Variants in PLPPR1 observed in about 807,000 individuals in gnomAD.
The protein encoded by PLPPR1 is phospholipid phosphatase-related protein type 1.
PLPPR1 carries 10 observed loss-of-function variants against 33.1 expected under a neutral mutation model. That is an observed-to-expected ratio of 0.30 (90% confidence interval 0.19 to 0.51). PLPPR1 has a LOEUF of 0.51. PLPPR1 is among the 20% of genes least tolerant of loss of function. PLPPR1 has a pLI of 0.97. For synonymous variants in PLPPR1, 151 were observed against 151.0 expected (o/e 1.00, Z 0.00); for missense variants, 304 against 408.1 (o/e 0.74, Z 2.20).
chr9:101,185,412 A>C (rs1318421671), intron 1 of PLPPR1, 38 bp from the exon 2 acceptor site: 4 of 764,594 alleles, frequency 5.2e-6, no homozygotes, highest in Non-Finnish European at 8.8e-6. Context: ...ACTTCTCAAT[A>C]TATGGTTCTT....
At chr9:101,176,454 T>C (rs888015696) in intron 1 of PLPPR1, among the ~76,000 whole-genome samples, 2 of 152,200 alleles carry the variant, frequency 1.3e-5, no homozygotes, top group African/African-American at 4.8e-5. Flanking sequence ...CTCACTGGGA[T>C]GGTATCAGAG....
At chr9:101,188,271 G>A (rs1016070887) in intron 2 of PLPPR1, among the ~76,000 whole-genome samples, 1 of 152,030 alleles carries the variant, frequency 6.6e-6, no homozygotes, top group Non-Finnish European at 1.5e-5. Flanking sequence ...TTGACACATA[G>A]CAGAATTGCT....
intron 1 of PLPPR1, among the ~76,000 whole-genome samples, chr9:101,155,091 A>G (rs1016684712): frequency 1.4e-5 from 2 of 145,314 alleles, no homozygotes; most frequent in African/African-American, 5.0e-5. Context: ...GCACATGTAC[A>G]CTAAAACTTA....
chr9:101,028,883 G>C lies in PLPPR1; in HGVS notation c.-265G>C, dbSNP rs985926074. ...CCGCGCACCTCCGCCCCACGGGCGC[G>C]CGCACAAACACGGACACACACATAC... On this transcript the variant is annotated 5_prime_UTR_variant, in exon 1 of 8. Transcript: ENST00000374874. The C allele has an allele frequency of 1.3e-5, 2 of 152,272 alleles. No individual in the cohort carries two copies. Among genetic ancestry groups the C allele is most frequent in the African/African-American group, 4.8e-5 (2 of 41,434 alleles). 9.4% of individuals were successfully genotyped at this position (152,272 alleles called of 1,614,324 possible).
intron 4 of PLPPR1, 25 bp from the exon 5 acceptor site, chr9:101,309,186 C>T (rs919839136): frequency 1.1e-5 from 18 of 1,613,200 alleles, no homozygotes; most frequent in Non-Finnish European, 1.5e-5. Context: ...GTTACCATTC[C>T]TAATGATTTT....
chr9:101,154,636 C>T (rs375566292), intron 1 of PLPPR1, among the ~76,000 whole-genome samples: 43 of 152,170 alleles, frequency 2.8e-4, no homozygotes, highest in African/African-American at 6.0e-4. Flanking sequence ...GATTATGAAT[C>T]GTGCTGCTAT....
intron 1 of PLPPR1, among the ~76,000 whole-genome samples, chr9:101,143,957 G>A (rs557065939): frequency 3.3e-4 from 50 of 152,216 alleles, no homozygotes; most frequent in African/African-American, 1.1e-3. Context: ...TATAAATCAC[G>A]CTGCTATAAA....
Position 101,029,032 on chromosome 9 carries a change from C to A in PLPPR1, c.-116C>A, listed in dbSNP as rs1829905116. On this transcript the variant is annotated 5_prime_UTR_variant, in exon 1 of 8. Coordinates refer to ENST00000374874, the MANE Select transcript of PLPPR1 (RefSeq NM_207299.2). ...CTGGAGAGCGTGTCTCGGACCGCCG[C>A]CTGAATGTACCTCGCTCCCGGGAGC... The A allele has an allele frequency of 6.5e-6, 1 of 152,708 alleles. No homozygotes were observed. The highest frequency in any genetic ancestry group is 2.4e-5 in the African/African-American group (1 of 41,464). 9.5% of individuals were successfully genotyped at this position (152,708 alleles called of 1,614,324 possible). A position where few individuals can be genotyped will look rare whatever the true frequency, so the allele number is the denominator to read the frequency against.
chr9:101,050,016 T>G (rs1830199366), intron 1 of PLPPR1, among the ~76,000 whole-genome samples: 1 of 149,538 alleles, frequency 6.7e-6, no homozygotes. Flanking sequence ...TCCCAGCTAC[T>G]CGGGAGGCTG....
chr9:101,225,455 A>C (rs552953639), intron 2 of PLPPR1, among the ~76,000 whole-genome samples: 1 of 152,290 alleles, frequency 6.6e-6, no homozygotes, highest in Admixed American at 6.5e-5. Context: ...TTCCAATTCC[A>C]CATAGCTCAC....
intron 2 of PLPPR1, among the ~76,000 whole-genome samples, chr9:101,247,213 A>G (rs1370420739): frequency 1.3e-5 from 2 of 151,978 alleles, no homozygotes; most frequent in Non-Finnish European, 2.9e-5. Flanking sequence ...TCCTGGAAGG[A>G]GGGACGCCCA....
chr9:101,103,161 T>C (rs1830933258), intron 1 of PLPPR1, among the ~76,000 whole-genome samples: 1 of 127,760 alleles, frequency 7.8e-6, no homozygotes. Flanking sequence ...TTAGATCCCA[T>C]TTGTCAATTT....
intron 4 of PLPPR1, among the ~76,000 whole-genome samples, chr9:101,307,927 A>G (rs1010796381): frequency 1.3e-5 from 2 of 152,214 alleles, no homozygotes; most frequent in African/African-American, 2.4e-5. Flanking sequence ...TTCTCAGTGC[A>G]TAGATGTAAT....
intron 2 of PLPPR1, among the ~76,000 whole-genome samples, chr9:101,200,644 ATG>A (rs1826475941): frequency 6.6e-6 from 1 of 152,188 alleles, no homozygotes; most frequent in Non-Finnish European, 1.5e-5. Flanking sequence ...TTCATGTTGT[ATG>A]CCATTATTTC....
chr9:101,031,553 G>A (rs927052379), intron 1 of PLPPR1, among the ~76,000 whole-genome samples: 4 of 152,140 alleles, frequency 2.6e-5, no homozygotes, highest in African/African-American at 9.7e-5. Flanking sequence ...ATAAGTACTT[G>A]TTACATGCTG....
At chr9:101,162,672 TTTTGA>T (rs1227332790) in intron 1 of PLPPR1, among the ~76,000 whole-genome samples, 1 of 152,238 alleles carries the variant, frequency 6.6e-6, no homozygotes, top group Non-Finnish European at 1.5e-5. Context: ...TTACCATTGC[TTTTGA>T]TTTTTGTTTT....
intron 1 of PLPPR1, among the ~76,000 whole-genome samples, chr9:101,036,203 A>T (rs1002871861): frequency 5.9e-5 from 9 of 152,150 alleles, no homozygotes; most frequent in African/African-American, 2.2e-4. Flanking sequence ...TCTTTCCACA[A>T]AGGATACATC....
At chr9:101,160,014 A>G (rs974771512) in intron 1 of PLPPR1, among the ~76,000 whole-genome samples, 2 of 152,210 alleles carry the variant, frequency 1.3e-5, no homozygotes, top group African/African-American at 2.4e-5. Flanking sequence ...CAGTGATAGC[A>G]TTATCTTGAG....
Position 101,145,913 on chromosome 9 carries a change from G to A in PLPPR1, c.-45-39537G>A, listed in dbSNP as rs867791961. Among the ~76,000 whole-genome samples, 9 of 151,874 alleles carry A rather than the reference G, an allele frequency of 5.9e-5. No individual in the cohort carries two copies. The South Asian group carries it at 1.9e-3, about 32-fold the overall frequency. On this transcript the variant is annotated intron_variant, in intron 1 of 7. Coordinates refer to ENST00000374874, the MANE Select transcript of PLPPR1 (RefSeq NM_207299.2). ...TGCCTGTGGTCCCAGCTGCTCAGGA[G>A]GCTGAGGCAGGAGGACCCCTTGAGC...
Sources: allele counts gnomAD v4.1 joint callset (sites outside exome capture counted in the v4.1 genomes callset), GRCh38; gene constraint gnomAD v4.1.1; transcripts MANE v1.5; gene names NCBI Gene and HGNC (gene_info 2026-07-23, HGNC 2026-07-21).